ZNF410: variants seen among roughly 807,000 people sequenced by gnomAD.
ZNF410 encodes the protein another partner for ARF 1.
In ZNF410, 18 loss-of-function variants were observed where a neutral mutation model predicts 54.8. The ratio of observed to expected loss-of-function variants is 0.33; its 90% CI spans 0.23 to 0.49. The LOEUF (loss-of-function observed/expected upper bound fraction) is 0.49, where lower values mean the gene tolerates loss of function less well. ZNF410 is among the 20% of genes least tolerant of loss of function. ZNF410 has a pLI of 0.99. For missense variants in ZNF410, 405 were observed against 569.6 expected, an observed-to-expected ratio of 0.71 and a Z score of 2.94; for synonymous variants, 191 against 207.3, an observed-to-expected ratio of 0.92 and a Z score of 0.68.
rs2055785584 is a variant in ZNF410 at position 73,923,525 on chromosome 14, A to G, written c.1398+3A>G. 1 of 1,611,894 alleles carries G rather than the reference A, an allele frequency of 6.2e-7. No individual in the cohort carries two copies. Among genetic ancestry groups the G allele is most frequent in the African/African-American group, 1.3e-5 (1 of 74,856 alleles). ...TAACTGCAGTAAATCCACAAGAGGT[A>G]AAGTGGTCTCTTGCCCTTTGTTTCT... On this transcript the variant is annotated splice_donor_region_variant and intron_variant, in intron 11 of 11. Transcript: ENST00000555044.
chr14:73,889,151 T>C (rs2055185414), intron 1 of ZNF410, among the ~76,000 whole-genome samples: 1 of 152,166 alleles, frequency 6.6e-6, no homozygotes, highest in Admixed American at 6.6e-5. Context: ...TCTTGGCTTG[T>C]TAAGACAAGC....
At chr14:73,931,211 C>T (rs1248965941) in intron 11 of ZNF410, among the ~76,000 whole-genome samples, 2 of 152,168 alleles carry the variant, frequency 1.3e-5, no homozygotes, top group Non-Finnish European at 2.9e-5. Flanking sequence ...GTTAGAGATT[C>T]CTCTGTCACT....
chr14:73,904,929 A>T lies in ZNF410; in HGVS notation c.759A>T (p.Ala253=), dbSNP rs764655680. The change falls in exon 7 of 12, where the codon GCA becomes GCT. Residue 253 remains alanine (A), a synonymous_variant. Transcript: ENST00000555044. Reference sequence around the variant, plus strand: ...ATGACCGCTCCTTCATCTGTCCTGCAGAAGGTTGTGGGAAAAGCTTCTATG... The same window carrying T: ...ATGACCGCTCCTTCATCTGTCCTGCTGAAGGTTGTGGGAAAAGCTTCTATG... ...HRNDRSFICP[A]EGCGKSFYVL... 1 of 1,614,166 alleles carries T rather than the reference A, an allele frequency of 6.2e-7. No homozygotes were observed. Among genetic ancestry groups the T allele is most frequent in the African/African-American group, 1.3e-5 (1 of 75,038 alleles).
intron 3 of ZNF410, 21 bp downstream of exon 3, chr14:73,893,953 A>T (rs1420948389): frequency 6.2e-7 from 1 of 1,601,376 alleles, no homozygotes; most frequent in African/African-American, 1.3e-5. Context: ...AGATCACTAG[A>T]AATAGGATAA....
intron 8 of ZNF410, chr14:73,920,763 C>G: frequency 1.9e-6 from 1 of 531,774 alleles, no homozygotes; most frequent in African/African-American, 1.9e-5. Flanking sequence ...TGGAAAGGAC[C>G]AGCAGCTGGG....
chr14:73,893,661 A>G, intron 2 of ZNF410, 136 bp from the exon 3 acceptor site: 1 of 958,494 alleles, frequency 1.0e-6, no homozygotes, highest in East Asian at 2.8e-5. Context: ...ATAACTTTAG[A>G]TATTATGTTG....
intron 8 of ZNF410, chr14:73,913,953 T>C (rs2055624776): frequency 6.6e-6 from 1 of 152,116 alleles, no homozygotes; most frequent in African/African-American, 2.4e-5. Context: ...GATTTCTTAG[T>C]GTTTTCTACA....
chr14:73,894,046 A>C, intron 3 of ZNF410, 114 bp downstream of exon 3: 1 of 1,376,462 alleles, frequency 7.3e-7, no homozygotes, highest in East Asian at 2.3e-5. Flanking sequence ...AAACTGTAAA[A>C]ATTAGGAGTC....
intron 7 of ZNF410, chr14:73,905,571 G>A (rs2055468394): frequency 6.6e-6 from 1 of 152,554 alleles, no homozygotes; most frequent in African/African-American, 2.4e-5. Context: ...ATAGAGAAGT[G>A]AATTATTCTG....
intron 1 of ZNF410, among the ~76,000 whole-genome samples, chr14:73,889,281 C>T (rs1474933052): frequency 2.6e-5 from 4 of 151,892 alleles, no homozygotes; most frequent in African/African-American, 7.3e-5. Flanking sequence ...CTAAAGCAAT[C>T]CTCCTACTCA....
chr14:73,896,584 G>A, intron 4 of ZNF410, 50 bp downstream of exon 4: 1 of 1,435,294 alleles, frequency 7.0e-7, no homozygotes, highest in Non-Finnish European at 9.6e-7. Flanking sequence ...AAAAAAATTA[G>A]GGGTGGGGCA....
intron 5 of ZNF410, among the ~76,000 whole-genome samples, chr14:73,902,684 A>G (rs1457890161): frequency 6.6e-6 from 1 of 152,222 alleles, no homozygotes; most frequent in African/African-American, 2.4e-5. Flanking sequence ...CACTGCCTGC[A>G]TATGCTCATG....
intron 1 of ZNF410, among the ~76,000 whole-genome samples, chr14:73,890,204 T>C (rs2055206621): frequency 6.7e-6 from 1 of 149,744 alleles, no homozygotes; most frequent in Non-Finnish European, 1.5e-5. Flanking sequence ...TTTTTTTTTT[T>C]TTGAGATGGA....
chr14:73,896,699 G>C, intron 4 of ZNF410, 165 bp downstream of exon 4: 19 of 609,592 alleles, frequency 3.1e-5, no homozygotes, highest in Non-Finnish European at 4.8e-5. Flanking sequence ...GGAGAGGGAG[G>C]ACTCTAGTAT....
chr14:73,905,159 C>T, intron 7 of ZNF410, 76 bp downstream of exon 7: 1 of 1,467,674 alleles, frequency 6.8e-7, no homozygotes, highest in Admixed American at 2.2e-5. Context: ...AGGAAAGACT[C>T]AAGTGGGAAT....
chr14:73,890,839 C>T (rs537653521), intron 1 of ZNF410, among the ~76,000 whole-genome samples: 7 of 151,886 alleles, frequency 4.6e-5, no homozygotes, highest in Non-Finnish European at 8.8e-5. Context: ...ATGGAGAAAC[C>T]GTCTCTACTA....
intron 5 of ZNF410, chr14:73,903,660 T>G: frequency 6.6e-6 from 2 of 301,546 alleles, no homozygotes; most frequent in East Asian, 1.4e-4. Flanking sequence ...TAATTTTTGT[T>G]TGTTTGTTTG....
chr14:73,927,131 G>T, intron 11 of ZNF410: 1 of 190,432 alleles, frequency 5.3e-6, no homozygotes, highest in Non-Finnish European at 1.1e-5. Context: ...TGTTGCCCAG[G>T]CTGGAGTGCA....
At chr14:73,913,936 A>G (rs1450165198) in intron 8 of ZNF410, 1 of 152,176 alleles carries the variant, frequency 6.6e-6, no homozygotes, top group Non-Finnish European at 1.5e-5. Flanking sequence ...GTAGTTTTTA[A>G]AAAATAGATT....
Sources: gnomAD v4.1 joint callset for allele counts (sites outside exome capture counted in the v4.1 genomes callset) on GRCh38, gnomAD v4.1.1 for gene constraint, MANE v1.5 for transcripts, NCBI Gene and HGNC (gene_info 2026-07-23, HGNC 2026-07-21) for gene names.